NEGR1: variants seen among roughly 807,000 people sequenced by gnomAD.
NEGR1 encodes the protein neuronal growth regulator 1, also known as IgLON family member 4.
In NEGR1, 10 loss-of-function variants were observed where a neutral mutation model predicts 40.9. The observed-to-expected ratio is 0.24, with a 90% CI of 0.15 to 0.42. The LOEUF (loss-of-function observed/expected upper bound fraction) is 0.42, where lower values mean the gene tolerates loss of function less well. Ranked by LOEUF, NEGR1 falls within the 10% of genes least tolerant of loss-of-function variation. NEGR1 has a pLI of 1.00. For synonymous variants in NEGR1, 185 were observed against 166.8 expected, an observed-to-expected ratio of 1.11 and a Z score of -0.84; for missense variants, 352 against 438.9, an observed-to-expected ratio of 0.80 and a Z score of 1.77.
At chr1:72,268,467 A>C (rs1655726317) in intron 1 of NEGR1, among the ~76,000 whole-genome samples, 1 of 151,388 alleles carries the variant, frequency 6.6e-6, no homozygotes, top group Non-Finnish European at 1.5e-5. Flanking sequence ...TTAAGAATAT[A>C]GACTGAATTA....
At chr1:72,055,939 T>A (rs1473791050) in intron 1 of NEGR1, among the ~76,000 whole-genome samples, 1 of 150,598 alleles carries the variant, frequency 6.6e-6, no homozygotes, top group Non-Finnish European at 1.5e-5. Context: ...TTACCTTAAG[T>A]AAACTACTCA....
intron 2 of NEGR1, among the ~76,000 whole-genome samples, chr1:71,851,905 G>A (rs1318894901): frequency 6.6e-6 from 1 of 151,994 alleles, no homozygotes; most frequent in African/African-American, 2.4e-5. Context: ...TCCCTTACTT[G>A]TAAAATGAAG....
chr1:72,095,226 A>G (rs1648653410), intron 1 of NEGR1, among the ~76,000 whole-genome samples: 1 of 152,136 alleles, frequency 6.6e-6, no homozygotes. Flanking sequence ...TGCATTTCAA[A>G]TAGTTTAGTA....
At position 71,653,899 on chromosome 1, in the gene NEGR1, C is replaced by T. The variant is rs550009173; in HGVS notation, c.668-42753G>A. On this transcript the variant is annotated intron_variant, in intron 4 of 6. Coordinates refer to ENST00000357731, the MANE Select transcript of NEGR1 (RefSeq NM_173808.3). ...AACACAGCAAAGTCACTTTCAAAAC[C>T]CATGGTTTCAGGCTCCAAAGTCCTA... is the stretch of plus-strand genomic sequence containing the variant. Among the ~76,000 whole-genome samples, 108 of 152,238 alleles carry T rather than the reference C, an allele frequency of 7.1e-4. 1 individual carries two copies. Among genetic ancestry groups the T allele is most frequent in the African/African-American group, 2.5e-3 (104 of 41,564 alleles).
At chr1:71,519,631 A>G (rs1390378511) in intron 6 of NEGR1, among the ~76,000 whole-genome samples, 1 of 127,374 alleles carries the variant, frequency 7.9e-6, no homozygotes, top group Non-Finnish European at 1.6e-5. Context: ...CTAATGCTAG[A>G]TGACACGTTA....
intron 2 of NEGR1, among the ~76,000 whole-genome samples, chr1:71,900,420 C>T: frequency 6.6e-6 from 1 of 151,634 alleles, no homozygotes; most frequent in East Asian, 1.9e-4. Context: ...ATTGAATTGC[C>T]CAATTATTTT....
intron 1 of NEGR1, among the ~76,000 whole-genome samples, chr1:72,230,633 A>G (rs987968624): frequency 2.6e-5 from 4 of 152,026 alleles, no homozygotes; most frequent in African/African-American, 9.7e-5. Context: ...AATTTCTCTT[A>G]TAACCAAAGT....
At chr1:71,927,699 G>A (rs767677311) in intron 2 of NEGR1, among the ~76,000 whole-genome samples, 1 of 151,190 alleles carries the variant, frequency 6.6e-6, no homozygotes, top group Non-Finnish European at 1.5e-5. Context: ...GGTAGTCCTG[G>A]CCAGGCGTAG....
intron 6 of NEGR1, among the ~76,000 whole-genome samples, chr1:71,530,592 C>T (rs574803276): frequency 4.0e-5 from 6 of 151,258 alleles, no homozygotes; most frequent in South Asian, 2.1e-4. Flanking sequence ...CAATTCAACA[C>T]GTATTTATTA....
chr1:71,542,372 C>A (rs555569220), intron 6 of NEGR1, among the ~76,000 whole-genome samples: 1 of 151,806 alleles, frequency 6.6e-6, no homozygotes, highest in South Asian at 2.1e-4. Flanking sequence ...AGCCTGTTGA[C>A]AAGTTTAGCA....
At chr1:72,120,666 C>T (rs1489095562) in intron 1 of NEGR1, among the ~76,000 whole-genome samples, 4 of 151,936 alleles carry the variant, frequency 2.6e-5, no homozygotes, top group African/African-American at 9.7e-5. Context: ...CCCACTACCT[C>T]CACCCCACAA....
intron 1 of NEGR1, among the ~76,000 whole-genome samples, chr1:72,133,925 T>G (rs942931353): frequency 2.0e-5 from 3 of 151,950 alleles, no homozygotes; most frequent in Admixed American, 6.6e-5. Context: ...AAGAATGTTT[T>G]AATTTTTAAA....
chr1:72,269,753 G>GT (rs1013904924), intron 1 of NEGR1, among the ~76,000 whole-genome samples: 2 of 150,798 alleles, frequency 1.3e-5, no homozygotes, highest in Non-Finnish European at 3.0e-5. Flanking sequence ...TGGATGAGAG[G>GT]TTTTTTTCAG....
At chr1:72,265,936 T>A (rs957334758) in intron 1 of NEGR1, among the ~76,000 whole-genome samples, 1 of 150,962 alleles carries the variant, frequency 6.6e-6, no homozygotes, top group Non-Finnish European at 1.5e-5. Flanking sequence ...CTACAGTATG[T>A]ACTCTAGAAT....
At chr1:71,422,576 A>T (rs897790756) in intron 6 of NEGR1, 1 of 152,232 alleles carries the variant, frequency 6.6e-6, no homozygotes, top group African/African-American at 2.4e-5. Flanking sequence ...GCTCAAAGTC[A>T]CTTACAGGAC....
At chr1:71,805,696 C>T (rs539958849) in intron 2 of NEGR1, among the ~76,000 whole-genome samples, 2 of 152,112 alleles carry the variant, frequency 1.3e-5, no homozygotes, top group Non-Finnish European at 2.9e-5. Context: ...TCTCTTATTT[C>T]TTTTGTTAAA....
chr1:71,638,132 C>T (rs1382765966), intron 4 of NEGR1, among the ~76,000 whole-genome samples: 2 of 152,032 alleles, frequency 1.3e-5, no homozygotes, highest in African/African-American at 2.4e-5. Context: ...GATTATTCCA[C>T]AAGCACTTTA....
At chr1:71,946,173 C>T (rs535674656) in intron 1 of NEGR1, among the ~76,000 whole-genome samples, 343 of 152,234 alleles carry the variant, frequency 2.3e-3, no homozygotes, top group Non-Finnish European at 3.4e-3. Context: ...CTTAGCCTCT[C>T]TCCACATGTC....
chr1:71,981,278 A>G (rs1306217847), intron 1 of NEGR1, among the ~76,000 whole-genome samples: 1 of 152,072 alleles, frequency 6.6e-6, no homozygotes. Flanking sequence ...TGCCTAAGGA[A>G]AATTTTGATT....
Sources: gnomAD v4.1 joint callset for allele counts (sites outside exome capture counted in the v4.1 genomes callset) on GRCh38, gnomAD v4.1.1 for gene constraint, MANE v1.5 for transcripts, NCBI Gene and HGNC (gene_info 2026-07-23, HGNC 2026-07-21) for gene names.